MMP25: variants seen among roughly 807,000 people sequenced by gnomAD.
MMP25 encodes the protein matrix metallopeptidase 25, also known as matrix metalloproteinase-25.
A neutral mutation model predicts 62.1 loss-of-function variants in MMP25; 68 were observed. That is an observed-to-expected ratio of 1.10 (90% confidence interval 0.90 to 1.34). The LOEUF (loss-of-function observed/expected upper bound fraction) is 1.34. MMP25 is among the 40% of genes most tolerant of loss of function. The pLI, the probability that MMP25 is intolerant of heterozygous loss-of-function variation, is 0.00. For missense variants in MMP25, 942 were observed against 792.5 expected (o/e 1.19, Z -2.26); for synonymous variants, 407 against 345.6 (o/e 1.18, Z -1.97).
rs1955824656 is a variant in MMP25 at position 3,046,708 on chromosome 16, C to A, written c.-210C>A. On this transcript the variant is annotated 5_prime_UTR_variant, in exon 1 of 10. Coordinates refer to ENST00000336577, the MANE Select transcript of MMP25 (RefSeq NM_022468.5). ...TTCCCGGGCCCACCCGACCCAGCGGCGCGACCCTGGCCCTCCGGGACCCTC... is the reference window on the plus strand; with the variant it reads ...TTCCCGGGCCCACCCGACCCAGCGGAGCGACCCTGGCCCTCCGGGACCCTC... 2 of 397,506 alleles carry A rather than the reference C, an allele frequency of 5.0e-6. No homozygotes were observed. Among genetic ancestry groups the A allele is most frequent in the South Asian group, 1.7e-4 (2 of 12,040 alleles). The allele number at this position is 397,506 out of a possible 1,614,324, so 24.6% of individuals were successfully genotyped here.
chr16:3,058,324 C>T lies in MMP25; in HGVS notation c.1150C>T (p.Leu384Phe). 6.3e-7 allele frequency: 1 copy of T among 1,590,890 alleles called. No individual in the cohort carries two copies. Among genetic ancestry groups the T allele is most frequent in the Middle Eastern group, 1.7e-4 (1 of 5,776 alleles). Residue 384 changes from leucine to phenylalanine, a missense_variant, in exon 8 of 10, where the codon CTC becomes TTC. Leu to Phe is a conservative substitution (Grantham distance 22, BLOSUM62 0). Transcript: ENST00000336577. ...YARHRDGRILLFSGPQFWVFQ... is the reference protein window; with the variant it reads ...YARHRDGRILFFSGPQFWVFQ... ...TCGGCACCGAGACGGCCGAATCCTC[C>T]TCTTTAGCGGTGAGTGGGGCCGGCG... is the stretch of plus-strand genomic sequence containing the variant.
intron 4 of MMP25, chr16:3,051,027 G>A (rs936427054): frequency 6.6e-6 from 1 of 152,620 alleles, no homozygotes; most frequent in African/African-American, 2.4e-5. Flanking sequence ...CTGGGCTCAA[G>A]TGATCCTCCC....
chr16:3,055,928 C>G (rs573522518), intron 4 of MMP25: 1 of 455,646 alleles, frequency 2.2e-6, no homozygotes, highest in Admixed American at 2.3e-5. Context: ...TGGGTCCTGG[C>G]AGTCCTGAGC....
chr16:3,057,155 C>A lies in MMP25; in HGVS notation c.784C>A (p.Pro262Thr), dbSNP rs749860230. 5 of 1,613,174 alleles carry A rather than the reference C, an allele frequency of 3.1e-6. No homozygotes were observed. The highest frequency in any genetic ancestry group is 3.3e-5 in the Admixed American group (2 of 59,856). Residue 262 changes from proline to threonine, a missense_variant, in exon 5 of 10, where the codon CCT becomes ACT. Transcript: ENST00000336577. ...RPFYQGPVGDPDKYRLSQDDR... is the reference protein window; with the variant it reads ...RPFYQGPVGDTDKYRLSQDDR... Reference sequence around the variant, plus strand: ...CTTCTACCAGGGTCCGGTGGGCGACCCTGACAAGTACCGCCTGTCTCAGGA... The same window carrying A: ...CTTCTACCAGGGTCCGGTGGGCGACACTGACAAGTACCGCCTGTCTCAGGA...
chr16:3,052,296 T>C (rs1362093921), intron 4 of MMP25: 3 of 151,982 alleles, frequency 2.0e-5, no homozygotes, highest in Admixed American at 6.6e-5. Context: ...ACCAGAGAAA[T>C]GACCCGGGAC....
intron 2 of MMP25, among the ~76,000 whole-genome samples, chr16:3,047,778 T>TC (rs1429119932): frequency 6.6e-6 from 1 of 151,958 alleles, no homozygotes; most frequent in African/African-American, 2.4e-5. Context: ...AAGGATTGCT[T>TC]CAGGCCAGGA....
rs1371362957 is a variant in MMP25 at position 3,057,487 on chromosome 16, G to A, written c.924-44G>A. The A allele has an allele frequency of 4.4e-6, 7 of 1,603,964 alleles. No homozygotes were observed. In the South Asian group the frequency reaches 7.7e-5, roughly 18 times the overall value. Reference sequence around the variant, plus strand: ...GGATGGTGGGGGTCCCTGCCTTGGAGAAAACAAACCCCCCTCTCTACTCAC... The same window carrying A: ...GGATGGTGGGGGTCCCTGCCTTGGAAAAAACAAACCCCCCTCTCTACTCAC... On this transcript the variant is annotated intron_variant, in intron 6 of 9. Transcript: ENST00000336577.
At chr16:3,049,471 A>G (rs1415885317) in intron 2 of MMP25, among the ~76,000 whole-genome samples, 1 of 152,134 alleles carries the variant, frequency 6.6e-6, no homozygotes, top group Non-Finnish European at 1.5e-5. Flanking sequence ...CTTAATTTGG[A>G]GATGAGGCTA....
intron 1 of MMP25, 139 bp downstream of exon 1, chr16:3,047,155 C>T: frequency 8.9e-7 from 1 of 1,128,936 alleles, no homozygotes; most frequent in Non-Finnish European, 1.2e-6. Flanking sequence ...TCTGTGCTCC[C>T]GGCTTCTTGG....
rs1305370198 is a variant in MMP25, at chr16:3,047,405, G to T, written c.100-10G>T. 6.2e-7 allele frequency: 1 copy of T among 1,607,144 alleles called. No individual in the cohort carries two copies. On this transcript the variant is annotated splice_polypyrimidine_tract_variant and intron_variant, in intron 1 of 9. Transcript: ENST00000336577. ...CCAGCCCGCTTCACCTGCCCCCTCCGATGCCCTAGGACTGGCTGACTCGCT... is the reference window on the plus strand; with the variant it reads ...CCAGCCCGCTTCACCTGCCCCCTCCTATGCCCTAGGACTGGCTGACTCGCT...
chr16:3,048,539 C>G (rs1018448987), intron 2 of MMP25, among the ~76,000 whole-genome samples: 1 of 152,072 alleles, frequency 6.6e-6, no homozygotes, highest in Non-Finnish European at 1.5e-5. Flanking sequence ...TAGGGCAGGT[C>G]CCTCTGAAAA....
intron 4 of MMP25, chr16:3,056,660 C>T (rs1254379893): frequency 1.5e-5 from 3 of 195,944 alleles, no homozygotes; most frequent in African/African-American, 7.0e-5. Flanking sequence ...AGCGATCCTC[C>T]CACCTGGGAC....
intron 2 of MMP25, among the ~76,000 whole-genome samples, chr16:3,049,747 G>A (rs955572964): frequency 1.3e-5 from 2 of 152,216 alleles, no homozygotes; most frequent in African/African-American, 4.8e-5. Context: ...ATCCTGGCCT[G>A]AGCCTCTGAG....
At position 3,058,648 on chromosome 16, in the gene MMP25, G is replaced by T. The variant is rs762110660; in HGVS notation, c.1396G>T (p.Asp466Tyr). The change falls in exon 9 of 10, where the codon GAT becomes TAT. Residue 466 changes from aspartate (D) to tyrosine (Y), a missense_variant. Transcript: ENST00000336577. ...GGAAGGCGCGCCCCCCTCCCCTGAC[G>T]ATGTCACCGTCAGCAACGCAGGTGG... ...LWEGAPPSPD[D>Y]VTVSNAGDTY... 1 of 1,601,874 alleles carries T rather than the reference G, an allele frequency of 6.2e-7. No homozygotes were observed. The highest frequency in any genetic ancestry group is 1.7e-5 in the Admixed American group (1 of 59,086).
intron 4 of MMP25, chr16:3,055,711 T>C (rs1321717230): frequency 2.7e-6 from 1 of 372,522 alleles, no homozygotes; most frequent in Admixed American, 3.3e-5. Flanking sequence ...TCGTTACCTA[T>C]GAACCTGCCC....
Position 3,058,996 on chromosome 16 carries a change from C to T in MMP25, c.1587C>T (p.Thr529=), listed in dbSNP as rs1309041691. The T allele has an allele frequency of 6.4e-7, 1 of 1,556,742 alleles. No individual in the cohort carries two copies. The highest frequency in any genetic ancestry group is 8.7e-7 in the Non-Finnish European group (1 of 1,150,110). The part of the protein sequence containing the change: ...RPPKATPVSE[T]CDCQCELNQA... ...CCAAAGCGACCCCCGTGTCCGAAAC[C>T]TGCGATTGTCAGTGCGAGCTCAACC... The change falls in exon 10 of 10, where the codon ACC becomes ACT. Residue 529 remains threonine (T), a synonymous_variant. Coordinates refer to ENST00000336577, the MANE Select transcript of MMP25 (RefSeq NM_022468.5).
intron 2 of MMP25, among the ~76,000 whole-genome samples, chr16:3,048,206 G>A (rs1166794149): frequency 6.6e-6 from 1 of 152,144 alleles, no homozygotes; most frequent in Non-Finnish European, 1.5e-5. Context: ...TACTCAGAAC[G>A]CTGAGATGGG....
rs1311702049 is a variant in MMP25 at position 3,059,300 on chromosome 16, T to G, written c.*202T>G. ...TCGCCTGGCGCTGGGCTCAGTCTCC[T>G]CAGGGTCTGAGACCCCGGCGCTGCC... On this transcript the variant is annotated 3_prime_UTR_variant, in exon 10 of 10. Transcript: ENST00000336577. 9.3e-6 allele frequency: 5 copies of G among 539,322 alleles called. No individual in the cohort carries two copies. Among genetic ancestry groups the G allele is most frequent in the Non-Finnish European group, 1.5e-5 (5 of 335,374 alleles). 33.4% of individuals were successfully genotyped at this position (539,322 alleles called of 1,614,324 possible). A position where few individuals can be genotyped will look rare whatever the true frequency, so the allele number is the denominator to read the frequency against.
intron 4 of MMP25, chr16:3,056,807 T>C (rs1351338129): frequency 2.0e-6 from 1 of 500,736 alleles, no homozygotes; most frequent in African/African-American, 2.0e-5. Flanking sequence ...GTGTGTTCTC[T>C]GGATCTTTTC....
Sources: gnomAD v4.1 joint callset for allele counts (sites outside exome capture counted in the v4.1 genomes callset) on GRCh38, gnomAD v4.1.1 for gene constraint, MANE v1.5 for transcripts, NCBI Gene and HGNC (gene_info 2026-07-23, HGNC 2026-07-21) for gene names.